VPS13D: variants seen among roughly 807,000 people sequenced by gnomAD.
The protein encoded by VPS13D is vacuolar protein sorting 13 homolog D.
In VPS13D, 187 loss-of-function variants were observed where a neutral mutation model predicts 461.9. The observed-to-expected ratio is 0.40, with a 90% CI of 0.36 to 0.46. VPS13D has a LOEUF of 0.46. Ranked by LOEUF, VPS13D falls within the 20% of genes least tolerant of loss-of-function variation. VPS13D has a pLI of 0.60. For missense variants in VPS13D, 4,711 were observed against 5,364.9 expected (o/e 0.88, Z 3.81); for synonymous variants, 1,951 against 1,986.3 (o/e 0.98, Z 0.47).
At position 12,256,209 on chromosome 1, in the gene VPS13D, T is replaced by A. The variant is rs545431932; in HGVS notation, c.670-124T>A. Reference sequence around the variant, plus strand: ...AATAAAAACAAAACAGACAAAAATATTTGCCGCTGTGACACAGCCTATGGC... The same window carrying A: ...AATAAAAACAAAACAGACAAAAATAATTGCCGCTGTGACACAGCCTATGGC... On this transcript the variant is annotated intron_variant, in intron 7 of 69. Coordinates refer to ENST00000620676, the MANE Select transcript of VPS13D (RefSeq NM_015378.4). 331 of 1,089,174 alleles carry A rather than the reference T, an allele frequency of 3.0e-4. 1 individual carries two copies. In the African/African-American group the frequency reaches 4.7e-3, roughly 15 times the overall value. The allele number at this position is 1,089,174 out of a possible 1,614,324, so 67.5% of individuals were successfully genotyped here.
chr1:12,361,541 G>A (rs1290855530), intron 50 of VPS13D, among the ~76,000 whole-genome samples: 4 of 149,802 alleles, frequency 2.7e-5, no homozygotes, highest in East Asian at 3.9e-4. Context: ...GACTACAGGC[G>A]CCCGCCACTA....
chr1:12,367,116 G>T (rs1644046403), intron 52 of VPS13D, among the ~76,000 whole-genome samples: 4 of 152,116 alleles, frequency 2.6e-5, no homozygotes, highest in African/African-American at 7.2e-5. Flanking sequence ...GTATTCTCTT[G>T]TCTTCTTTAA....
At chr1:12,242,658 C>A in intron 3 of VPS13D, 68 bp downstream of exon 3, 1 of 1,392,114 alleles carries the variant, frequency 7.2e-7, no homozygotes. Flanking sequence ...AAACTGAGAG[C>A]CCTGGAGTTT....
chr1:12,391,932 G>A (rs1026232224), intron 60 of VPS13D, among the ~76,000 whole-genome samples: 41 of 151,974 alleles, frequency 2.7e-4, no homozygotes, highest in African/African-American at 9.9e-4. Context: ...CCTCCCTCGG[G>A]TCACTGCAAC....
At chr1:12,461,401 G>A (rs1645411146) in intron 67 of VPS13D, among the ~76,000 whole-genome samples, 1 of 152,216 alleles carries the variant, frequency 6.6e-6, no homozygotes, top group African/African-American at 2.4e-5. Flanking sequence ...TGCTCCGATT[G>A]TGGACTGGGG....
rs1284098519 is a variant in VPS13D at position 12,385,248 on chromosome 1, A to G, written c.11371-12A>G. ...GTGAATCATCTTCTTGTGGTGTTTT[A>G]TTTGACTTCAGATAACAGATTTCTG... On this transcript the variant is annotated splice_polypyrimidine_tract_variant and intron_variant, in intron 58 of 69. Transcript: ENST00000620676. The G allele has an allele frequency of 3.1e-6, 5 of 1,608,668 alleles. No individual in the cohort carries two copies. The highest frequency in any genetic ancestry group is 4.3e-6 in the Non-Finnish European group (5 of 1,175,662).
chr1:12,293,815 T>A, intron 24 of VPS13D, 111 bp downstream of exon 24: 1 of 1,113,620 alleles, frequency 9.0e-7, no homozygotes, highest in Non-Finnish European at 1.2e-6. Flanking sequence ...CTTGCTAATA[T>A]GTTCTCCGTG....
chr1:12,337,902 A>G (rs557767334), intron 39 of VPS13D: 3 of 201,846 alleles, frequency 1.5e-5, no homozygotes, highest in Admixed American at 5.2e-5. Context: ...ATGCCATTTA[A>G]GAACATAACA....
intron 24 of VPS13D, among the ~76,000 whole-genome samples, chr1:12,296,201 C>T (rs1198374183): frequency 6.6e-6 from 1 of 152,082 alleles, no homozygotes; most frequent in African/African-American, 2.4e-5. Context: ...ATTACTGAGC[C>T]ATAGGGTGTG....
Position 12,234,194 on chromosome 1 carries a change from T to A in VPS13D, c.-73T>A. Reference sequence around the variant, plus strand: ...TTTCATTATTTTCCTTTCATAGATTTTTCTGTGACCATGAAAGAGAGAAAT... The same window carrying A: ...TTTCATTATTTTCCTTTCATAGATTATTCTGTGACCATGAAAGAGAGAAAT... On this transcript the variant is annotated 5_prime_UTR_variant, in exon 2 of 70. Coordinates refer to ENST00000620676, the MANE Select transcript of VPS13D (RefSeq NM_015378.4). The A allele has an allele frequency of 8.8e-7, 1 of 1,130,162 alleles. No homozygotes were observed. Among genetic ancestry groups the A allele is most frequent in the Non-Finnish European group, 1.3e-6 (1 of 767,128 alleles). 70.0% of individuals were successfully genotyped at this position (1,130,162 alleles called of 1,614,324 possible).
At chr1:12,317,447 C>G (rs1642919569) in intron 30 of VPS13D, among the ~76,000 whole-genome samples, 1 of 151,976 alleles carries the variant, frequency 6.6e-6, no homozygotes, top group East Asian at 1.9e-4. Context: ...GCACTATCAA[C>G]GTTTTGGGTC....
chr1:12,312,928 A>C (rs1167424016), intron 29 of VPS13D, among the ~76,000 whole-genome samples: 1 of 152,178 alleles, frequency 6.6e-6, no homozygotes, highest in Non-Finnish European at 1.5e-5. Flanking sequence ...TCCTTCGCTT[A>C]TTTCTGTCAC....
rs1640819507 is a variant in VPS13D at position 12,253,810 on chromosome 1, C to T, written c.653C>T (p.Pro218Leu). 2.5e-6 allele frequency: 4 copies of T among 1,613,746 alleles called. No homozygotes were observed. The highest frequency in any genetic ancestry group is 3.4e-6 in the Non-Finnish European group (4 of 1,179,908). ...DVDCTLLGDL[P>L]QMELQEAMAR... ...GATTGCACTTTACTGGGGGATTTGC[C>T]TCAGATGGAGTTACAGGTACGATTT... The change falls in exon 7 of 70, where the codon CCT (proline) becomes CTT (leucine). Residue 218 changes from proline (P) to leucine (L), a missense_variant. Physicochemically the swap from Pro to Leu is moderately conservative, Grantham distance 98. Around this residue, in one of 3 missense-constraint regions of VPS13D, gnomAD observed 4,411 missense variants for 4,937.8 expected, o/e 0.89. Coordinates refer to ENST00000620676, the MANE Select transcript of VPS13D (RefSeq NM_015378.4).
chr1:12,230,784 C>G (rs1040025846), intron 1 of VPS13D, among the ~76,000 whole-genome samples: 1 of 151,952 alleles, frequency 6.6e-6, no homozygotes, highest in East Asian at 1.9e-4. Context: ...CCTTTTACCC[C>G]CCAGGGTCAC....
chr1:12,424,531 A>G (rs1644900367), intron 65 of VPS13D, among the ~76,000 whole-genome samples: 1 of 152,122 alleles, frequency 6.6e-6, no homozygotes, highest in East Asian at 1.9e-4. Context: ...GGCAGTCCCC[A>G]TGTACCTCAC....
At chr1:12,258,536 A>T (rs548547264) in intron 10 of VPS13D, among the ~76,000 whole-genome samples, 6 of 152,346 alleles carry the variant, frequency 3.9e-5, no homozygotes, top group African/African-American at 1.4e-4. Flanking sequence ...GAGGCTAGGC[A>T]GAAAAGGGTG....
chr1:12,302,254 A>G (rs899641520), intron 25 of VPS13D, among the ~76,000 whole-genome samples: 1 of 152,212 alleles, frequency 6.6e-6, no homozygotes, highest in Non-Finnish European at 1.5e-5. Context: ...AACTGTATTT[A>G]TTTGTGGTAA....
intron 65 of VPS13D, among the ~76,000 whole-genome samples, chr1:12,420,937 A>T (rs1644854838): frequency 6.6e-6 from 1 of 152,174 alleles, no homozygotes; most frequent in South Asian, 2.1e-4. Flanking sequence ...ATAGATGCAC[A>T]AATTTTAAAT....
chr1:12,304,492 T>A lies in VPS13D; in HGVS notation c.6217-14T>A, dbSNP rs1642507280. 6.2e-7 allele frequency: 1 copy of A among 1,605,162 alleles called. No individual in the cohort carries two copies. Among genetic ancestry groups the A allele is most frequent in the South Asian group, 1.1e-5 (1 of 89,922 alleles). On this transcript the variant is annotated splice_polypyrimidine_tract_variant and intron_variant, in intron 25 of 69. Coordinates refer to ENST00000620676, the MANE Select transcript of VPS13D (RefSeq NM_015378.4). Reference sequence around the variant, plus strand: ...CCATTTCCTGCATTCTAGTTTTATTTTGTTCCTTCCCAGGAATCTGTGCCT... The same window carrying A: ...CCATTTCCTGCATTCTAGTTTTATTATGTTCCTTCCCAGGAATCTGTGCCT...
Sources: gnomAD v4.1 joint callset for allele counts (sites outside exome capture counted in the v4.1 genomes callset) on GRCh38, gnomAD v4.1.1 for gene constraint, gnomAD v4.1.1 regional missense constraint, MANE v1.5 for transcripts, NCBI Gene and HGNC (gene_info 2026-07-23, HGNC 2026-07-21) for gene names.